CAMK4: variants seen among roughly 807,000 people sequenced by gnomAD.
CAMK4 encodes calcium/calmodulin-dependent protein kinase type IV.
Under a neutral mutation model 44.9 loss-of-function variants are expected in CAMK4, and 22 were observed. The ratio of observed to expected loss-of-function variants is 0.49; its 90% CI spans 0.35 to 0.70. The LOEUF is 0.70. Ranked by LOEUF, CAMK4 falls within the 30% of genes least tolerant of loss-of-function variation. The probability of loss-of-function intolerance (pLI) is 0.01; values close to 1 mark genes in which losing one functional copy is unlikely to be tolerated. For synonymous variants in CAMK4, 218 were observed against 215.4 expected (o/e 1.01, Z -0.11); for missense variants, 498 against 586.8 (o/e 0.85, Z 1.56).
chr5:111,315,669 A>G (rs1228048280), intron 1 of CAMK4, among the ~76,000 whole-genome samples: 2 of 152,068 alleles, frequency 1.3e-5, no homozygotes, highest in African/African-American at 4.8e-5. Context: ...AAACTTTCTA[A>G]TTCTTTTACC....
intron 2 of CAMK4, among the ~76,000 whole-genome samples, chr5:111,352,740 G>T (rs1194680123): frequency 2.6e-5 from 4 of 151,698 alleles, no homozygotes; most frequent in Non-Finnish European, 5.9e-5. Flanking sequence ...TTTTATAAGG[G>T]AACTACTCTT....
intron 9 of CAMK4, among the ~76,000 whole-genome samples, chr5:111,479,876 C>G (rs1755371357): frequency 6.6e-6 from 1 of 152,104 alleles, no homozygotes; most frequent in South Asian, 2.1e-4. Context: ...CCAGTTCTCT[C>G]CCCCGGACCA....
rs57289347 is a variant in CAMK4 at position 111,344,674 on chromosome 5, G to C, written c.240+572G>C. Among the ~76,000 whole-genome samples the C allele has an allele frequency of 1.6e-3, 244 of 151,600 alleles. 2 individuals carry two copies. Among genetic ancestry groups the C allele is most frequent in the African/African-American group, 5.5e-3 (228 of 41,416 alleles). On this transcript the variant is annotated intron_variant, in intron 2 of 10. Coordinates refer to ENST00000282356, the MANE Select transcript of CAMK4 (RefSeq NM_001744.6). ...CTGCTCATCTAGAAGTTTGTACTTG[G>C]AAAAAAAGGAAGGTTTTTGTTTTGG... is the stretch of plus-strand genomic sequence containing the variant.
In CAMK4 at chr5:111,360,315, C is replaced by T. The variant is rs74831019; in HGVS notation, c.241-14535C>T. 4.5e-4 allele frequency among the ~76,000 whole-genome samples: 69 copies of T among 152,130 alleles called. 1 individual carries two copies. In the East Asian group the frequency reaches 9.3e-3, roughly 21 times the overall value. ...CTCTGGCTTAGATAACCCAGGGAAG[C>T]GTGGTGAGCATGAAGAGGCCACATA... On this transcript the variant is annotated intron_variant, in intron 2 of 10. Coordinates refer to ENST00000282356, the MANE Select transcript of CAMK4 (RefSeq NM_001744.6).
In CAMK4 at chr5:111,236,784, A is replaced by C. The variant is rs368677483; in HGVS notation, c.161+12140A>C. ...TGAATGCTTTGTCGTCTTCACCACCAGAACATCTGCTTATTGGGCAGAGGA... is the reference window on the plus strand; with the variant it reads ...TGAATGCTTTGTCGTCTTCACCACCCGAACATCTGCTTATTGGGCAGAGGA... On this transcript the variant is annotated intron_variant, in intron 1 of 10. Transcript: ENST00000282356. Among the ~76,000 whole-genome samples, 9 of 152,224 alleles carry C rather than the reference A, an allele frequency of 5.9e-5. No homozygotes were observed. In the East Asian group the frequency reaches 1.5e-3, roughly 26 times the overall value.
At chr5:111,477,319 G>A (rs1270538906) in intron 8 of CAMK4, among the ~76,000 whole-genome samples, 1 of 152,208 alleles carries the variant, frequency 6.6e-6, no homozygotes, top group Admixed American at 6.5e-5. Context: ...AAGGACATAC[G>A]AAACTGCTTC....
chr5:111,476,271 T>TTTG (rs1755238605), intron 8 of CAMK4, among the ~76,000 whole-genome samples: 3 of 127,314 alleles, frequency 2.4e-5, no homozygotes, highest in East Asian at 2.4e-4. Flanking sequence ...GTGTGTGTGT[T>TTTG]TGTGTGTGTG....
At chr5:111,396,631 CTTTTTTTTT>C (rs540495109) in intron 5 of CAMK4, among the ~76,000 whole-genome samples, 6 of 47,008 alleles carry the variant, frequency 1.3e-4, no homozygotes, top group African/African-American at 2.6e-4. Flanking sequence ...AACTCATATT[CTTTTTTTTT>C]TTTTTTTTTT....
chr5:111,340,804 T>C (rs1323707126), intron 1 of CAMK4, among the ~76,000 whole-genome samples: 6 of 151,202 alleles, frequency 4.0e-5, no homozygotes, highest in African/African-American at 7.3e-5. Context: ...TTTGGTAAAA[T>C]TCAGCAGTGA....
intron 5 of CAMK4, among the ~76,000 whole-genome samples, chr5:111,428,032 C>T (rs983922755): frequency 6.6e-6 from 1 of 152,172 alleles, no homozygotes; most frequent in African/African-American, 2.4e-5. Context: ...GTAGGTGGCT[C>T]AGAACAAACG....
rs1368262543 is a variant in CAMK4, at chr5:111,336,625, A to T, written c.162-7399A>T. On this transcript the variant is annotated intron_variant, in intron 1 of 10. Coordinates refer to ENST00000282356, the MANE Select transcript of CAMK4 (RefSeq NM_001744.6). ...ACGTATTTATTAATTGTTTCTTAAA[A>T]AGCTTTGCTAAGACAATGATTTATA... Among the ~76,000 whole-genome samples, 4 of 151,176 alleles carry T rather than the reference A, an allele frequency of 2.6e-5. No homozygotes were observed. In the East Asian group the frequency reaches 7.8e-4, roughly 29 times the overall value.
chr5:111,439,506 A>G (rs186884415), intron 5 of CAMK4, among the ~76,000 whole-genome samples: 305 of 152,292 alleles, frequency 2.0e-3, no homozygotes, highest in Non-Finnish European at 2.9e-3. Flanking sequence ...GGCTTGGTCA[A>G]TTGGATCGTA....
At chr5:111,226,431 A>G (rs1056440143) in intron 1 of CAMK4, among the ~76,000 whole-genome samples, 30 of 152,234 alleles carry the variant, frequency 2.0e-4, no homozygotes, top group Non-Finnish European at 4.3e-4. Flanking sequence ...GAAGCTTCTC[A>G]ACTTATGATG....
intron 2 of CAMK4, among the ~76,000 whole-genome samples, chr5:111,362,939 T>C (rs1750651233): frequency 6.6e-6 from 1 of 152,164 alleles, no homozygotes. Context: ...ATCTCTATCA[T>C]TTCATTCTCT....
intron 4 of CAMK4, among the ~76,000 whole-genome samples, chr5:111,393,044 A>G (rs1751865626): frequency 6.6e-6 from 1 of 152,196 alleles, no homozygotes; most frequent in African/African-American, 2.4e-5. Flanking sequence ...TGAACTCATT[A>G]TTTTGAAAAC....
chr5:111,240,588 C>A (rs1159635249), intron 1 of CAMK4, among the ~76,000 whole-genome samples: 1 of 152,076 alleles, frequency 6.6e-6, no homozygotes, highest in Non-Finnish European at 1.5e-5. Flanking sequence ...AAATTAATAA[C>A]CTTGAAGAAA....
In CAMK4 at chr5:111,413,079, C is replaced by T. The variant is rs182349158; in HGVS notation, c.459+18297C>T. On this transcript the variant is annotated intron_variant, in intron 5 of 10. Transcript: ENST00000282356. The stretch of plus-strand genomic sequence containing the variant: ...TGGGCTCGCCCTTGAATTCTTTCCT[C>T]GGTAAAGCCAAGAACCCTCCCAAGC... 2.2e-3 allele frequency among the ~76,000 whole-genome samples: 337 copies of T among 152,178 alleles called. 1 individual carries two copies. The highest frequency in any genetic ancestry group is 7.9e-3 in the African/African-American group (326 of 41,494).
chr5:111,272,149 A>T (rs1392729998), intron 1 of CAMK4, among the ~76,000 whole-genome samples: 1 of 151,918 alleles, frequency 6.6e-6, no homozygotes, highest in Non-Finnish European at 1.5e-5. Context: ...ATTGAATAAA[A>T]TTAAAAGATG....
At chr5:111,426,780 T>A (rs1206900225) in intron 5 of CAMK4, among the ~76,000 whole-genome samples, 1 of 152,162 alleles carries the variant, frequency 6.6e-6, no homozygotes, top group Non-Finnish European at 1.5e-5. Flanking sequence ...ATTCAGCTGA[T>A]GCCTGCCCAC....
Sources: allele counts gnomAD v4.1 joint callset (sites outside exome capture counted in the v4.1 genomes callset), GRCh38; gene constraint gnomAD v4.1.1; transcripts MANE v1.5; gene names NCBI Gene and HGNC (gene_info 2026-07-23, HGNC 2026-07-21).